Variants in CACNA1B observed in about 807,000 individuals in gnomAD.
CACNA1B encodes the protein voltage-dependent N-type calcium channel subunit alpha-1B.
In CACNA1B, 70 loss-of-function variants were observed where a neutral mutation model predicts 247.2. The observed-to-expected ratio is 0.28, with a 90% CI of 0.23 to 0.35. CACNA1B has a LOEUF of 0.35. CACNA1B is among the 10% of genes least tolerant of loss of function. The pLI, the probability that CACNA1B is intolerant of heterozygous loss-of-function variation, is 1.00. For missense variants in CACNA1B, 2,367 were observed against 3,197.4 expected, an observed-to-expected ratio of 0.74 and a Z score of 6.26; for synonymous variants, 1,231 against 1,294.4, an observed-to-expected ratio of 0.95 and a Z score of 1.05.
chr9:138,115,378 A>C (rs1961817019), intron 41 of CACNA1B, among the ~76,000 whole-genome samples, 174 bp from the exon 42 acceptor site: 1 of 152,196 alleles, frequency 6.6e-6, no homozygotes, highest in South Asian at 2.1e-4. Flanking sequence ...TCACATGCTC[A>C]TATTTAGGGA....
chr9:137,988,340 G>C (rs920905320), intron 15 of CACNA1B, among the ~76,000 whole-genome samples: 4 of 152,204 alleles, frequency 2.6e-5, no homozygotes, highest in Non-Finnish European at 5.9e-5. Flanking sequence ...CTCCAGGTGT[G>C]GGCGGGCCAG....
intron 6 of CACNA1B, among the ~76,000 whole-genome samples, chr9:137,923,966 C>T (rs776747677): frequency 6.6e-6 from 1 of 152,142 alleles, no homozygotes; most frequent in East Asian, 1.9e-4. Context: ...ATCTTTTGCC[C>T]ATGTTCTGTT....
chr9:138,114,290 C>T (rs191551785), intron 40 of CACNA1B, 88 bp from the exon 41 acceptor site: 15 of 688,300 alleles, frequency 2.2e-5, no homozygotes, highest in East Asian at 5.4e-5. Flanking sequence ...GAGGGAGGGG[C>T]GGCTGTTTCC....
intron 31 of CACNA1B, among the ~76,000 whole-genome samples, chr9:138,061,809 G>A (rs144708945): frequency 5.0e-4 from 76 of 152,346 alleles, no homozygotes; most frequent in African/African-American, 1.6e-3. Flanking sequence ...CTTACCACTA[G>A]GTGGCTGGTT....
intron 23 of CACNA1B, among the ~76,000 whole-genome samples, chr9:138,048,524 G>A (rs1959203105): frequency 2.0e-5 from 3 of 152,162 alleles, no homozygotes; most frequent in Admixed American, 6.5e-5. Context: ...GAGGCCCTTC[G>A]GGGTGTGACC....
At chr9:137,947,608 A>G (rs1957811972) in intron 6 of CACNA1B, among the ~76,000 whole-genome samples, 1 of 150,438 alleles carries the variant, frequency 6.6e-6, no homozygotes, top group Non-Finnish European at 1.5e-5. Flanking sequence ...TTCATTATTC[A>G]TTTTTTCTTA....
At chr9:137,879,832 T>TG (rs1480720325) in intron 2 of CACNA1B, among the ~76,000 whole-genome samples, 2 of 152,082 alleles carry the variant, frequency 1.3e-5, no homozygotes, top group African/African-American at 2.4e-5. Flanking sequence ...CTGGAGGGGC[T>TG]GGGTCAGAGG....
At position 138,081,747 on chromosome 9, in the gene CACNA1B, T is replaced by C. The variant is rs1960528863; in HGVS notation, c.5094+3489T>C. 1.3e-5 allele frequency among the ~76,000 whole-genome samples: 2 copies of C among 151,226 alleles called. 1 individual carries two copies. Among genetic ancestry groups the C allele is most frequent in the African/African-American group, 4.9e-5 (2 of 40,892 alleles). Reference sequence around the variant, plus strand: ...TCTAGAGATGTTAAATATCTTAGCCTGAGTTTAGAACCTAAGCTTTTGAAA... The same window carrying C: ...TCTAGAGATGTTAAATATCTTAGCCCGAGTTTAGAACCTAAGCTTTTGAAA... On this transcript the variant is annotated intron_variant, in intron 36 of 46. Transcript: ENST00000371372.
chr9:138,104,748 G>A (rs62579480), intron 38 of CACNA1B, among the ~76,000 whole-genome samples: 30,987 of 152,238 alleles, frequency 0.2, 3,502 homozygotes, highest in East Asian at 0.48. Context: ...AGGAGCTCCT[G>A]TCTCTAGCTG....
At chr9:137,883,864 A>G (rs1429353811) in intron 3 of CACNA1B, among the ~76,000 whole-genome samples, 2 of 151,254 alleles carry the variant, frequency 1.3e-5, no homozygotes, top group East Asian at 3.9e-4. Flanking sequence ...CCCCATCCTC[A>G]CCCAGTGACT....
At chr9:138,041,656 T>G (rs532727774) in intron 20 of CACNA1B, among the ~76,000 whole-genome samples, 3 of 152,322 alleles carry the variant, frequency 2.0e-5, no homozygotes, top group Non-Finnish European at 1.5e-5. Flanking sequence ...GAGAAATAGT[T>G]CCATCCGAGC....
chr9:137,878,981 A>C lies in CACNA1B; in HGVS notation c.285-73A>C, dbSNP rs998729664. 4 of 931,886 alleles carry C rather than the reference A, an allele frequency of 4.3e-6. No individual in the cohort carries two copies. In the African/African-American group the frequency reaches 4.9e-5, roughly 11 times the overall value. 57.7% of individuals were successfully genotyped at this position (931,886 alleles called of 1,614,324 possible). A position where few individuals can be genotyped will look rare whatever the true frequency, so the allele number is the denominator to read the frequency against. ...GAGACGGCCTAGCGGTGGCTGCTGCACTGGGCTCTGCTGGCGTCGGCCTCG... is the reference window on the plus strand; with the variant it reads ...GAGACGGCCTAGCGGTGGCTGCTGCCCTGGGCTCTGCTGGCGTCGGCCTCG... On this transcript the variant is annotated intron_variant, in intron 1 of 46. Coordinates refer to ENST00000371372, the MANE Select transcript of CACNA1B (RefSeq NM_000718.4).
At chr9:137,970,614 G>T (rs1044113838) in intron 10 of CACNA1B, among the ~76,000 whole-genome samples, 2 of 152,198 alleles carry the variant, frequency 1.3e-5, no homozygotes, top group African/African-American at 4.8e-5. Context: ...GTTCTAAATG[G>T]TGTGCCCAGA....
In CACNA1B at chr9:137,996,365, C is replaced by A. The variant is rs749028459; in HGVS notation, c.1974+9511C>A. Among the ~76,000 whole-genome samples the A allele has an allele frequency of 2.6e-5, 4 of 152,266 alleles. No individual in the cohort carries two copies. The South Asian group carries it at 8.3e-4, about 32-fold the overall frequency. On this transcript the variant is annotated intron_variant, in intron 15 of 46. Coordinates refer to ENST00000371372, the MANE Select transcript of CACNA1B (RefSeq NM_000718.4). ...AGTGAAATAATGGCATTTGCAACAA[C>A]GTGGATGGAATCGGAGGCTACTATT...
chr9:137,923,463 C>G (rs1013164587), intron 6 of CACNA1B, among the ~76,000 whole-genome samples: 1 of 150,894 alleles, frequency 6.6e-6, no homozygotes, highest in Non-Finnish European at 1.5e-5. Flanking sequence ...TTCCGTGGTG[C>G]CAGGTAGTAT....
intron 6 of CACNA1B, among the ~76,000 whole-genome samples, chr9:137,927,584 C>T (rs1362594833): frequency 1.3e-5 from 2 of 152,136 alleles, no homozygotes; most frequent in Non-Finnish European, 2.9e-5. Flanking sequence ...TATTCTATCC[C>T]CTTGGTCTGC....
At chr9:138,027,191 G>A (rs1205842288) in intron 20 of CACNA1B, among the ~76,000 whole-genome samples, 1 of 152,000 alleles carries the variant, frequency 6.6e-6, no homozygotes, top group East Asian at 1.9e-4. Context: ...ATGTGTTTTT[G>A]CAAGCATTTT....
chr9:138,029,239 T>TA (rs778297195), intron 20 of CACNA1B, among the ~76,000 whole-genome samples: 3 of 152,222 alleles, frequency 2.0e-5, no homozygotes, highest in Non-Finnish European at 4.4e-5. Flanking sequence ...ATATTCCCGT[T>TA]ATTGGTTCAT....
chr9:137,980,263 A>G (rs1357293168), intron 12 of CACNA1B, among the ~76,000 whole-genome samples: 1 of 150,342 alleles, frequency 6.7e-6, no homozygotes, highest in Non-Finnish European at 1.5e-5. Context: ...CTCTACCCAC[A>G]CCTATTAGGC....
Sources: gnomAD v4.1 joint callset for allele counts (sites outside exome capture counted in the v4.1 genomes callset) on GRCh38, gnomAD v4.1.1 for gene constraint, MANE v1.5 for transcripts, NCBI Gene and HGNC (gene_info 2026-07-23, HGNC 2026-07-21) for gene names.